The following ZNF626 variants were observed in gnomAD, a reference collection of about 807,000 sequenced individuals.
ZNF626 encodes the protein CTC-513N18.7.
ZNF626 carries 4 observed loss-of-function variants against 11.7 expected under a neutral mutation model. That is an observed-to-expected ratio of 0.34 (90% CI 0.17 to 0.78). ZNF626 has a LOEUF of 0.78. Among genes scored for constraint, ZNF626 ranks in the 30% least tolerant of loss-of-function variants. The pLI, the probability that ZNF626 is intolerant of heterozygous loss-of-function variation, is 0.57. For missense variants in ZNF626, 588 were observed against 587.1 expected (o/e 1.00, Z -0.01); for synonymous variants, 179 against 198.6 (o/e 0.90, Z 0.83).
At chr19:20,646,223 C>CA in intron 2 of ZNF626, 56 bp downstream of exon 2, 1 of 1,483,174 alleles carries the variant, frequency 6.7e-7, no homozygotes, top group South Asian at 1.4e-5. Context: ...AAACATTCTA[C>CA]AAAAAATAAA....
intron 3 of ZNF626, among the ~76,000 whole-genome samples, chr19:20,631,827 C>A (rs1436144326): frequency 6.6e-6 from 1 of 151,672 alleles, no homozygotes; most frequent in African/African-American, 2.4e-5. Flanking sequence ...TTGATCCTGT[C>A]ATTATGATGT....
At chr19:20,625,935 G>A (rs1969826137) in intron 3 of ZNF626, among the ~76,000 whole-genome samples, 2 of 152,116 alleles carry the variant, frequency 1.3e-5, no homozygotes, top group Non-Finnish European at 2.9e-5. Flanking sequence ...CAACACAGCT[G>A]GTTTTGCTCT....
chr19:20,642,767 T>C (rs531484164), intron 3 of ZNF626, among the ~76,000 whole-genome samples: 1 of 152,014 alleles, frequency 6.6e-6, no homozygotes, highest in Non-Finnish European at 1.5e-5. Flanking sequence ...GCCTGTAGTC[T>C]CGCACTTTGG....
intron 1 of ZNF626, among the ~76,000 whole-genome samples, chr19:20,653,024 C>G (rs1970164263): frequency 6.6e-6 from 1 of 152,124 alleles, no homozygotes; most frequent in African/African-American, 2.4e-5. Context: ...GAAATCTGAT[C>G]TAGACTCTCT....
At chr19:20,633,090 C>A (rs1969925770) in intron 3 of ZNF626, among the ~76,000 whole-genome samples, 1 of 152,248 alleles carries the variant, frequency 6.6e-6, no homozygotes, top group East Asian at 1.9e-4. Flanking sequence ...GCGGTGGCTG[C>A]AGAACAGCGG....
Position 20,631,928 on chromosome 19 carries a change from G to A in ZNF626, c.227-6278C>T, listed in dbSNP as rs199799295. On this transcript the variant is annotated intron_variant, in intron 3 of 3. Coordinates refer to ENST00000601440, the MANE Select transcript of ZNF626 (RefSeq NM_001076675.3). The stretch of plus-strand genomic sequence containing the variant: ...GCATGATTTTGCAGCGGCTGGTACC[G>A]GTTGCTCCTTTCCATGTTTAGTGCT... Among the ~76,000 whole-genome samples the A allele has an allele frequency of 1.8e-3, 268 of 151,802 alleles. 1 individual carries two copies. Among genetic ancestry groups the A allele is most frequent in the Middle Eastern group, 3.4e-3 (1 of 292 alleles).
rs782176881 is a variant in ZNF626, at chr19:20,625,569, T to C, written c.308A>G (p.Tyr103Cys). The C allele has an allele frequency of 4.3e-6, 7 of 1,611,704 alleles. No homozygotes were observed. The highest frequency in any genetic ancestry group is 1.3e-5 in the African/African-American group (1 of 74,942). ...TAAATTGTCATGTTCACATTTTTCATATCTTCTCAGTACCACTTTTTGGAA... is the reference window on the plus strand; with the variant it reads ...TAAATTGTCATGTTCACATTTTTCACATCTTCTCAGTACCACTTTTTGGAA... ...DSFQKVVLRR[Y>C]EKCEHDNLQL... The change falls in exon 4 of 4, where the codon TAT (tyrosine) becomes TGT (cysteine). Residue 103 changes from tyrosine (Y) to cysteine (C), a missense_variant. Transcript: ENST00000601440.
rs1969738943 is a variant in ZNF626 at position 20,619,963 on chromosome 19, C to T, written c.*4327G>A. On this transcript the variant is annotated 3_prime_UTR_variant, in exon 4 of 4. Transcript: ENST00000601440. ...ATAATAACTACTTTCCAGTTTTATT[C>T]ATTACAAATATTAACTAACATCTTT... 1 of 152,132 alleles carries T rather than the reference C, an allele frequency of 6.6e-6. No individual in the cohort carries two copies. The highest frequency in any genetic ancestry group is 1.5e-5 in the Non-Finnish European group (1 of 68,028). 9.4% of individuals were successfully genotyped at this position (152,132 alleles called of 1,614,324 possible).
intron 3 of ZNF626, among the ~76,000 whole-genome samples, chr19:20,636,955 C>G (rs1470592448): frequency 7.5e-6 from 1 of 132,872 alleles, no homozygotes; most frequent in African/African-American, 2.9e-5. Flanking sequence ...AAGGAGGTGG[C>G]GACTGTAATG....
chr19:20,647,111 G>A (rs1355147227), intron 1 of ZNF626, among the ~76,000 whole-genome samples: 1 of 152,186 alleles, frequency 6.6e-6, no homozygotes, highest in African/African-American at 2.4e-5. Flanking sequence ...CTCCTAAAGT[G>A]TTGGGATTAC....
chr19:20,634,636 C>T (rs868991729), intron 3 of ZNF626, among the ~76,000 whole-genome samples: 12 of 149,892 alleles, frequency 8.0e-5, no homozygotes, highest in Admixed American at 2.7e-4. Context: ...GTGAATTTAA[C>T]TCCATCTCAA....
Position 20,660,243 on chromosome 19 carries a change from T to TA in ZNF626, c.3+1200dup, listed in dbSNP as rs35231346. On this transcript the variant is annotated intron_variant, in intron 1 of 3. Coordinates refer to ENST00000601440, the MANE Select transcript of ZNF626 (RefSeq NM_001076675.3). ...TGGGCACCACAAGCGACACTGTGTC[T>TA]AAAAAAAAAAAAAAAAAAAAAAAAA... Among the ~76,000 whole-genome samples the TA allele has an allele frequency of 7.3e-3, 764 of 104,872 alleles. 9 individuals are homozygous for TA. The highest frequency in any genetic ancestry group is 0.022 in the East Asian group (81 of 3,648). 68.8% of individuals were successfully genotyped at this position (104,872 alleles called of 152,430 possible). A position where few individuals can be genotyped will look rare whatever the true frequency, so the allele number is the denominator to read the frequency against.
At chr19:20,630,689 G>A (rs1969893745) in intron 3 of ZNF626, among the ~76,000 whole-genome samples, 2 of 151,876 alleles carry the variant, frequency 1.3e-5, no homozygotes, top group Admixed American at 6.6e-5. Flanking sequence ...TATTAGTCTT[G>A]CTAGTGGTCT....
Position 20,661,515 on chromosome 19 carries a change from A to T in ZNF626, c.-69T>A. 1 of 1,568,590 alleles carries T rather than the reference A, an allele frequency of 6.4e-7. No homozygotes were observed. Among genetic ancestry groups the T allele is most frequent in the South Asian group, 1.1e-5 (1 of 88,248 alleles). On this transcript the variant is annotated 5_prime_UTR_variant, in exon 1 of 4. Coordinates refer to ENST00000601440, the MANE Select transcript of ZNF626 (RefSeq NM_001076675.3). Reference sequence around the variant, plus strand: ...CAATACCTGCAGGACACGGGGCCACACAGCCTGGGCCTTTAGGAGAAGAAC... The same window carrying T: ...CAATACCTGCAGGACACGGGGCCACTCAGCCTGGGCCTTTAGGAGAAGAAC...
At chr19:20,653,738 T>C (rs1332137188) in intron 1 of ZNF626, among the ~76,000 whole-genome samples, 1 of 152,176 alleles carries the variant, frequency 6.6e-6, no homozygotes, top group African/African-American at 2.4e-5. Flanking sequence ...ATCTCTGCTG[T>C]TCTCTCCTCT....
chr19:20,626,217 C>T (rs536237059), intron 3 of ZNF626, among the ~76,000 whole-genome samples: 1 of 151,800 alleles, frequency 6.6e-6, no homozygotes, highest in South Asian at 2.1e-4. Flanking sequence ...AGCTGAGATT[C>T]CCAGAATCTC....
rs1407841206 is a variant in ZNF626, at chr19:20,620,058, A to G, written c.*4232T>C. 6.6e-6 allele frequency: 1 copy of G among 152,234 alleles called. No homozygotes were observed. Among genetic ancestry groups the G allele is most frequent in the Non-Finnish European group, 1.5e-5 (1 of 68,038 alleles). 9.4% of individuals were successfully genotyped at this position (152,234 alleles called of 1,614,324 possible). ...TTCACACACACATAGAACAATAAAA[A>G]TGTATCCAATTATTCAATTTTGGTT... On this transcript the variant is annotated 3_prime_UTR_variant, in exon 4 of 4. Transcript: ENST00000601440.
At chr19:20,655,971 T>C (rs1555773071) in intron 1 of ZNF626, among the ~76,000 whole-genome samples, 1 of 152,060 alleles carries the variant, frequency 6.6e-6, no homozygotes, top group Non-Finnish European at 1.5e-5. Context: ...GCAAAATTTT[T>C]TTTTGGAACT....
intron 3 of ZNF626, chr19:20,645,130 T>C: frequency 1.4e-6 from 1 of 689,858 alleles, no homozygotes; most frequent in Admixed American, 4.9e-5. Flanking sequence ...TAAAATAAAC[T>C]TTGAATAGCC....
Sources: gnomAD v4.1 joint callset for allele counts (sites outside exome capture counted in the v4.1 genomes callset) on GRCh38, gnomAD v4.1.1 for gene constraint, MANE v1.5 for transcripts, NCBI Gene and HGNC (gene_info 2026-07-23, HGNC 2026-07-21) for gene names.